The following RICTOR variants were observed in gnomAD, a reference collection of about 807,000 sequenced individuals.
RICTOR encodes the protein rapamycin-insensitive companion of mTOR.
A neutral mutation model predicts 214.9 loss-of-function variants in RICTOR; 49 were observed. That is an observed-to-expected ratio of 0.23 (90% CI 0.18 to 0.29). The LOEUF (loss-of-function observed/expected upper bound fraction) is 0.29, where lower values mean the gene tolerates loss of function less well. RICTOR is among the 10% of genes least tolerant of loss of function. RICTOR has a pLI of 1.00. For missense variants in RICTOR, 1,625 were observed against 2,047.0 expected (o/e 0.79, Z 3.98); for synonymous variants, 717 against 711.3 (o/e 1.01, Z -0.13).
chr5:39,059,503 G>A (rs1367645662), intron 2 of RICTOR, among the ~76,000 whole-genome samples: 1 of 151,932 alleles, frequency 6.6e-6, no homozygotes, highest in African/African-American at 2.4e-5. Flanking sequence ...AGACTTTTTG[G>A]ATCTATGCTA....
intron 7 of RICTOR, among the ~76,000 whole-genome samples, chr5:38,988,045 A>C (rs1752307026): frequency 6.6e-6 from 1 of 152,094 alleles, no homozygotes; most frequent in Admixed American, 6.6e-5. Flanking sequence ...CTGAGTCCTA[A>C]TTTGATTGAA....
chr5:39,048,884 T>G (rs191411241), intron 2 of RICTOR, among the ~76,000 whole-genome samples: 5 of 152,250 alleles, frequency 3.3e-5, no homozygotes, highest in Admixed American at 2.0e-4. Flanking sequence ...CGCATAAAGT[T>G]AGACCTTAGA....
chr5:39,004,718 A>C (rs1375264458), intron 3 of RICTOR, among the ~76,000 whole-genome samples: 3 of 149,626 alleles, frequency 2.0e-5, no homozygotes, highest in Admixed American at 1.3e-4. Flanking sequence ...CTGCCTGCCT[A>C]AGCCTCCTGA....
rs2150017137 is a variant in RICTOR at position 38,959,793 on chromosome 5, G to A, written c.2037C>T (p.Cys679=). The change falls in exon 21 of 38, where the codon TGC becomes TGT. Residue 679 remains cysteine, a synonymous_variant. Transcript: ENST00000357387. Reference sequence around the variant, plus strand: ...GGAATGCTCACCACTGAAATACACTGCATTTTTCCAGCATTTTAACTCCAT... The same window carrying A: ...GGAATGCTCACCACTGAAATACACTACATTTTTCCAGCATTTTAACTCCAT... ...HPHGVKMLEK[C]SVFQCLLNLC... The A allele has an allele frequency of 6.2e-7, 1 of 1,611,416 alleles. No individual in the cohort carries two copies. Among genetic ancestry groups the A allele is most frequent in the Non-Finnish European group, 8.5e-7 (1 of 1,177,762 alleles).
chr5:38,960,256 T>A (rs1749679502), intron 20 of RICTOR, 142 bp downstream of exon 20: 1 of 852,842 alleles, frequency 1.2e-6, no homozygotes. Context: ...CAACTCTAGG[T>A]CTGGGATCAT....
intron 25 of RICTOR, 85 bp from the exon 26 acceptor site, chr5:38,955,789 G>A: frequency 1.3e-6 from 1 of 780,730 alleles, no homozygotes; most frequent in African/African-American, 1.7e-5. Flanking sequence ...GCAAAGGGTA[G>A]ACAGATCAAG....
At chr5:38,956,524 C>G (rs978325030) in intron 25 of RICTOR, among the ~76,000 whole-genome samples, 7 of 152,062 alleles carry the variant, frequency 4.6e-5, no homozygotes, top group African/African-American at 1.2e-4. Context: ...TCTGCTCCTT[C>G]TTCCGTGGAT....
intron 8 of RICTOR, among the ~76,000 whole-genome samples, chr5:38,979,020 G>T (rs1036735964): frequency 3.3e-5 from 5 of 152,100 alleles, no homozygotes; most frequent in African/African-American, 1.2e-4. Context: ...GATTAGTTTT[G>T]CCTGTGTTTG....
intron 20 of RICTOR, 37 bp from the exon 21 acceptor site, chr5:38,960,015 A>C: frequency 7.3e-7 from 1 of 1,372,930 alleles, no homozygotes; most frequent in African/African-American, 1.4e-5. Context: ...TGAGAAAAGC[A>C]TTCAAAATCT....
intron 5 of RICTOR, among the ~76,000 whole-genome samples, chr5:39,000,783 GAGGTCAATATCTCCAAC>G (rs546547454): frequency 2.1e-3 from 324 of 152,050 alleles, no homozygotes; most frequent in African/African-American, 7.3e-3. Flanking sequence ...TGTTAAATAA[GAGGTCAATATCTCCAAC>G]AGGTCAATAT....
At chr5:38,990,704 G>GATATATATCATATATATCATAT (rs370197935) in intron 7 of RICTOR, among the ~76,000 whole-genome samples, 1 of 45,232 alleles carries the variant, frequency 2.2e-5, no homozygotes, top group African/African-American at 7.6e-5. Context: ...ATATATATCA[G>GATATATATCATATATATCATAT]ATATGATATA....
rs149616493 is a variant in RICTOR at position 38,985,066 on chromosome 5, C to T, written c.584-3030G>A. Among the ~76,000 whole-genome samples, 503 of 152,304 alleles carry T rather than the reference C, an allele frequency of 3.3e-3. 6 individuals carry two copies. The highest frequency in any genetic ancestry group is 0.011 in the African/African-American group (453 of 41,572). ...GACCTCGTGATCCACCCGCCTCGGC[C>T]TCCCAAAGTGCTGGGATTACAGGCG... is the stretch of plus-strand genomic sequence containing the variant. On this transcript the variant is annotated intron_variant, in intron 7 of 37. Coordinates refer to ENST00000357387, the MANE Select transcript of RICTOR (RefSeq NM_152756.5).
At chr5:39,056,394 G>C (rs1025978329) in intron 2 of RICTOR, among the ~76,000 whole-genome samples, 1 of 152,106 alleles carries the variant, frequency 6.6e-6, no homozygotes, top group African/African-American at 2.4e-5. Flanking sequence ...AGCACTTTTG[G>C]GGGGCCAAGA....
intron 15 of RICTOR, among the ~76,000 whole-genome samples, chr5:38,966,298 T>C (rs1246564626): frequency 6.6e-6 from 1 of 152,228 alleles, no homozygotes; most frequent in Non-Finnish European, 1.5e-5. Context: ...AGTTTTGCAA[T>C]TTCTTGCTTC....
intron 9 of RICTOR, among the ~76,000 whole-genome samples, chr5:38,976,050 T>C (rs1751205500): frequency 6.6e-6 from 1 of 152,212 alleles, no homozygotes; most frequent in Admixed American, 6.5e-5. Context: ...ACCTATATAG[T>C]CACTGAAATG....
chr5:39,041,940 CA>C (rs35609106), intron 2 of RICTOR, among the ~76,000 whole-genome samples: 23,664 of 84,796 alleles, frequency 0.28, 1,772 homozygotes, highest in African/African-American at 0.36. Context: ...GACCCTGTTT[CA>C]AAAAAAAAAA....
At chr5:38,982,981 G>C (rs1751845313) in intron 7 of RICTOR, among the ~76,000 whole-genome samples, 1 of 151,882 alleles carries the variant, frequency 6.6e-6, no homozygotes, top group Non-Finnish European at 1.5e-5. Flanking sequence ...TCTAAAATGA[G>C]GCATAATTAC....
At chr5:38,954,285 AAAG>A (rs1749046640) in intron 27 of RICTOR, among the ~76,000 whole-genome samples, 1 of 151,960 alleles carries the variant, frequency 6.6e-6, no homozygotes, top group Non-Finnish European at 1.5e-5. Flanking sequence ...ATTATAACTC[AAAG>A]AACAACTGCT....
chr5:38,990,876 A>AGATATATGATC, intron 7 of RICTOR, 73 bp downstream of exon 7: 1 of 822,782 alleles, frequency 1.2e-6, no homozygotes, highest in African/African-American at 1.8e-5. Context: ...GATATATGAT[A>AGATATATGATC]GATATATATA....
Sources: gnomAD v4.1 joint callset for allele counts (sites outside exome capture counted in the v4.1 genomes callset) on GRCh38, gnomAD v4.1.1 for gene constraint, MANE v1.5 for transcripts, NCBI Gene and HGNC (gene_info 2026-07-23, HGNC 2026-07-21) for gene names.